PNMA2: variants seen among roughly 807,000 people sequenced by gnomAD.
The protein encoded by PNMA2 is PNMA family member 2.
For missense variants in PNMA2, 455 were observed against 452.9 expected (o/e 1.00, Z -0.04); for synonymous variants, 175 against 183.5 (o/e 0.95, Z 0.38).
chr8:26,508,354 C>T lies in PNMA2; in HGVS notation c.402G>A (p.Val134=), dbSNP rs985632290. The T allele has an allele frequency of 6.2e-7, 1 of 1,613,810 alleles. No homozygotes were observed. Among genetic ancestry groups the T allele is most frequent in the African/African-American group, 1.3e-5 (1 of 74,952 alleles). Residue 134 remains valine (V), a synonymous_variant, in exon 3 of 3, where the codon GTG becomes GTA. Transcript: ENST00000522362. The surrounding 1 kb of genome is among the most constrained non-coding windows in gnomAD (Gnocchi z 5.5). ...LGQEGVSPAT[V]PCISPELLAH... ...CCAGTAATTCTGGTGAGATGCAGGG[C>T]ACTGTGGCTGGAGACACGCCCTCCT...
intron 1 of PNMA2, among the ~76,000 whole-genome samples, chr8:26,510,967 C>A (rs191995078): frequency 6.6e-6 from 1 of 152,154 alleles, no homozygotes; most frequent in Admixed American, 6.5e-5. Flanking sequence ...GCCTGGCCAA[C>A]ATGGCCAAAC....
At chr8:26,512,121 T>G (rs1171095545) in intron 1 of PNMA2, among the ~76,000 whole-genome samples, 6 of 152,194 alleles carry the variant, frequency 3.9e-5, no homozygotes. Context: ...GGTGGAAGAC[T>G]CCCACTGGAA....
At chr8:26,512,403 C>G (rs549603624) in intron 1 of PNMA2, among the ~76,000 whole-genome samples, 249 of 152,224 alleles carry the variant, frequency 1.6e-3, no homozygotes, top group Non-Finnish European at 2.8e-3. Flanking sequence ...CATCCGGAGA[C>G]GCCTTTCCAC....
rs964797147 is a variant in PNMA2, at chr8:26,508,230, G to T, written c.526C>A (p.Pro176Thr). ...RVFSGSAVPA[P>T]EEESFEVWLE... Reference sequence around the variant, plus strand: ...CAGACCTCAAAGGACTCTTCCTCTGGGGCTGGGACAGCACTCCCTGAGAAT... The same window carrying T: ...CAGACCTCAAAGGACTCTTCCTCTGTGGCTGGGACAGCACTCCCTGAGAAT... Residue 176 changes from proline (P) to threonine (T), a missense_variant, in exon 3 of 3, where the codon CCA (proline) becomes ACA (threonine). Pro to Thr is a conservative substitution (Grantham distance 38). Transcript: ENST00000522362. This position sits in a 1 kb window ranked among gnomAD's most constrained non-coding sequence, Gnocchi z 5.5. The T allele has an allele frequency of 6.2e-7, 1 of 1,606,580 alleles. No individual in the cohort carries two copies. Among genetic ancestry groups the T allele is most frequent in the Admixed American group, 1.7e-5 (1 of 59,350 alleles).
At position 26,507,824 on chromosome 8, in the gene PNMA2, C is replaced by A. The variant is rs1486158234; in HGVS notation, c.932G>T (p.Arg311Leu). 1.1e-5 allele frequency: 18 copies of A among 1,613,518 alleles called. No individual in the cohort carries two copies. The highest frequency in any genetic ancestry group is 2.7e-5 in the African/African-American group (2 of 74,906). ...GATLNQMLWCRLRELKDQGPP... is the reference protein window; with the variant it reads ...GATLNQMLWCLLRELKDQGPP... ...GCCCTGATCCTTCAGCTCCCTAAGC[C>A]GGCACCACAGCATCTGGTTAAGAGT... Residue 311 changes from arginine (R) to leucine (L), a missense_variant, in exon 3 of 3, where the codon CGG becomes CTG. Physicochemically the swap from Arg to Leu is moderately radical, Grantham distance 102. Coordinates refer to ENST00000522362, the MANE Select transcript of PNMA2 (RefSeq NM_007257.6).
Position 26,508,297 on chromosome 8 carries a change from C to A in PNMA2, c.459G>T (p.Ala153=), listed in dbSNP as rs771767899. Residue 153 remains alanine, a synonymous_variant, in exon 3 of 3, where the codon GCG becomes GCT. Coordinates refer to ENST00000522362, the MANE Select transcript of PNMA2 (RefSeq NM_007257.6). The surrounding 1 kb of genome is among the most constrained non-coding windows in gnomAD (Gnocchi z 5.5). The part of the protein sequence containing the change: ...AHLLGQAMAH[A]PQPLLPMRYR... Reference sequence around the variant, plus strand: ...ATCTCATGGGTAGCAGGGGCTGAGGCGCATGTGCCATTGCCTGTCCCAACA... The same window carrying A: ...ATCTCATGGGTAGCAGGGGCTGAGGAGCATGTGCCATTGCCTGTCCCAACA... 6.2e-7 allele frequency: 1 copy of A among 1,604,872 alleles called. No individual in the cohort carries two copies.
chr8:26,513,114 C>CTTTTTTTTTT (rs762812937), intron 1 of PNMA2: 2 of 125,070 alleles, frequency 1.6e-5, no homozygotes, highest in African/African-American at 7.2e-5. Flanking sequence ...TTTTTTCTCT[C>CTTTTTTTTTT]TTTTTTTTTT....
In PNMA2 at chr8:26,508,556, A is replaced by G; in HGVS notation, c.200T>C (p.Leu67Pro). Residue 67 changes from leucine (L) to proline (P), a missense_variant, in exon 3 of 3, where the codon CTA (leucine) becomes CCA (proline). By Grantham distance (98) the Leu-to-Pro change is moderately conservative. Coordinates refer to ENST00000522362, the MANE Select transcript of PNMA2 (RefSeq NM_007257.6). The surrounding 1 kb of genome is among the most constrained non-coding windows in gnomAD (Gnocchi z 5.5). ...RKQENANAVLLELLEDTDVSA... is the reference protein window; with the variant it reads ...RKQENANAVLPELLEDTDVSA... Reference sequence around the variant, plus strand: ...GACATCAGTATCTTCCAGAAGCTCTAGTAAGACAGCATTGGCATTCTCCTG... The same window carrying G: ...GACATCAGTATCTTCCAGAAGCTCTGGTAAGACAGCATTGGCATTCTCCTG... 2 of 1,614,202 alleles carry G rather than the reference A, an allele frequency of 1.2e-6. No individual in the cohort carries two copies. The highest frequency in any genetic ancestry group is 8.5e-7 in the Non-Finnish European group (1 of 1,180,032).
chr8:26,512,065 C>T (rs901783008), intron 1 of PNMA2, among the ~76,000 whole-genome samples: 10 of 152,114 alleles, frequency 6.6e-5, no homozygotes, highest in African/African-American at 2.2e-4. Context: ...TATTTTCTCA[C>T]ATAAAGGGGG....
In PNMA2 at chr8:26,509,027, G is replaced by T. The variant is rs755105798; in HGVS notation, c.-272C>A. ...CTCAGTTCTAACCACACCTGTGCCC[G>T]CAGCTCTGAAGTCCGATTGCCAGTG... On this transcript the variant is annotated 5_prime_UTR_variant, in exon 3 of 3. Coordinates refer to ENST00000522362, the MANE Select transcript of PNMA2 (RefSeq NM_007257.6). The surrounding 1 kb of genome is among the most constrained non-coding windows in gnomAD (Gnocchi z 5.7). The T allele has an allele frequency of 1.5e-6, 1 of 670,818 alleles. No homozygotes were observed. The highest frequency in any genetic ancestry group is 2.1e-6 in the Non-Finnish European group (1 of 471,858). The allele number at this position is 670,818 out of a possible 1,614,324, so 41.6% of individuals were successfully genotyped here.
rs969730216 is a variant in PNMA2, at chr8:26,507,548, G to C, written c.*113C>G. On this transcript the variant is annotated 3_prime_UTR_variant, in exon 3 of 3. Coordinates refer to ENST00000522362, the MANE Select transcript of PNMA2 (RefSeq NM_007257.6). ...GGAGGAAGGGAGGGAAGGAAGGAAG[G>C]AAGGAAGGTCAATAATTGGCTTTCA... The C allele has an allele frequency of 6.8e-6, 6 of 883,936 alleles. No individual in the cohort carries two copies. The East Asian group carries it at 1.3e-4, about 19-fold the overall frequency. The allele number at this position is 883,936 out of a possible 1,614,324, so 54.8% of individuals were successfully genotyped here.
At chr8:26,512,271 T>C (rs1808172725) in intron 1 of PNMA2, among the ~76,000 whole-genome samples, 1 of 152,190 alleles carries the variant, frequency 6.6e-6, no homozygotes, top group South Asian at 2.1e-4. Context: ...GTAATTCAGT[T>C]GGAAGCGCTT....
At position 26,505,032 on chromosome 8, in the gene PNMA2, T is replaced by TA. The variant is rs1808025167; in HGVS notation, c.*2628dup. On this transcript the variant is annotated 3_prime_UTR_variant, in exon 3 of 3. Transcript: ENST00000522362. Reference sequence around the variant, plus strand: ...ACTGCTGGAAGAGTCATCACAAATATAAAAAACAACAAGCACTCAAATTTA... The same window carrying TA: ...ACTGCTGGAAGAGTCATCACAAATATAAAAAAACAACAAGCACTCAAATTTA... 1 of 152,300 alleles carries TA rather than the reference T, an allele frequency of 6.6e-6. No homozygotes were observed. The highest frequency in any genetic ancestry group is 1.5e-5 in the Non-Finnish European group (1 of 68,170). 9.4% of individuals were successfully genotyped at this position (152,300 alleles called of 1,614,324 possible). A position where few individuals can be genotyped will look rare whatever the true frequency, so the allele number is the denominator to read the frequency against.
In PNMA2 at chr8:26,508,329, C is replaced by T; in HGVS notation, c.427G>A (p.Ala143Thr). The T allele has an allele frequency of 6.2e-7, 1 of 1,612,136 alleles. No individual in the cohort carries two copies. Among genetic ancestry groups the T allele is most frequent in the Non-Finnish European group, 8.5e-7 (1 of 1,178,822 alleles). ...GCCATTGCCTGTCCCAACAAATGGG[C>T]CAGTAATTCTGGTGAGATGCAGGGC... is the stretch of plus-strand genomic sequence containing the variant. ...TVPCISPELL[A>T]HLLGQAMAHA... is the part of the protein sequence containing the mutation. The change falls in exon 3 of 3, where the codon GCC becomes ACC. Residue 143 changes from alanine to threonine, a missense_variant. By Grantham distance (58) the Ala-to-Thr change is moderately conservative. Transcript: ENST00000522362. This position sits in a 1 kb window ranked among gnomAD's most constrained non-coding sequence, Gnocchi z 5.5.
In PNMA2 at chr8:26,509,026, C is replaced by T. The variant is rs1563368590; in HGVS notation, c.-271G>A. 7.4e-6 allele frequency: 5 copies of T among 676,874 alleles called. No homozygotes were observed. Among genetic ancestry groups the T allele is most frequent in the African/African-American group, 1.9e-5 (1 of 53,512 alleles). 41.9% of individuals were successfully genotyped at this position (676,874 alleles called of 1,614,324 possible). A position where few individuals can be genotyped will look rare whatever the true frequency, so the allele number is the denominator to read the frequency against. Reference sequence around the variant, plus strand: ...TCTCAGTTCTAACCACACCTGTGCCCGCAGCTCTGAAGTCCGATTGCCAGT... The same window carrying T: ...TCTCAGTTCTAACCACACCTGTGCCTGCAGCTCTGAAGTCCGATTGCCAGT... On this transcript the variant is annotated 5_prime_UTR_variant, in exon 3 of 3. Transcript: ENST00000522362. This position sits in a 1 kb window ranked among gnomAD's most constrained non-coding sequence, Gnocchi z 5.7.
At chr8:26,510,923 C>T (rs1458091693) in intron 1 of PNMA2, among the ~76,000 whole-genome samples, 11 of 152,098 alleles carry the variant, frequency 7.2e-5, no homozygotes, top group Admixed American at 2.0e-4. Context: ...GAAGCCAAGG[C>T]GGGTAGATCA....
intron 1 of PNMA2, chr8:26,512,855 GCA>G (rs1808186382): frequency 6.6e-6 from 1 of 152,582 alleles, no homozygotes; most frequent in Non-Finnish European, 1.5e-5. Flanking sequence ...CTCAGCTACT[GCA>G]CACACACACC....
At chr8:26,513,493 G>T (rs2117588771) in intron 1 of PNMA2, among the ~76,000 whole-genome samples, 1 of 152,210 alleles carries the variant, frequency 6.6e-6, no homozygotes, top group Non-Finnish European at 1.5e-5. Flanking sequence ...AAGGCGAGTG[G>T]ACAAACTGAA....
rs1050793503 is a variant in PNMA2, at chr8:26,508,748, A to C, written c.8T>G (p.Leu3Arg). The change falls in exon 3 of 3, where the codon CTG becomes CGG. Residue 3 changes from leucine (L) to arginine (R), a missense_variant. Transcript: ENST00000522362. The surrounding 1 kb of genome is among the most constrained non-coding windows in gnomAD (Gnocchi z 5.5). ...CCTGCACCAGTCCTCTAACAGTGCC[A>C]GCGCCATTGTCCTAAGAATTGACCC... MA[L>R]ALLEDWCRIM... is the part of the protein sequence containing the mutation. 15 of 1,609,888 alleles carry C rather than the reference A, an allele frequency of 9.3e-6. No individual in the cohort carries two copies. Among genetic ancestry groups the C allele is most frequent in the Non-Finnish European group, 1.3e-5 (15 of 1,178,030 alleles).
Sources: gnomAD v4.1 joint callset for allele counts (sites outside exome capture counted in the v4.1 genomes callset) on GRCh38, gnomAD v4.1.1 for gene constraint, Gnocchi (gnomAD v3.1) non-coding constraint, MANE v1.5 for transcripts, NCBI Gene and HGNC (gene_info 2026-07-23, HGNC 2026-07-21) for gene names.